UBE2N: variants seen among roughly 807,000 people sequenced by gnomAD.
UBE2N encodes ubiquitin-conjugating enzyme E2 N.
For synonymous variants in UBE2N, 70 were observed against 69.2 expected, an observed-to-expected ratio of 1.01 and a Z score of -0.06; for missense variants, 60 against 192.1, an observed-to-expected ratio of 0.31 and a Z score of 4.07.
chr12:93,406,275 CAAAAAAAAAAA>C lies in UBE2N; in HGVS notation c.*3753_*3763del, dbSNP rs58309798. Reference sequence around the variant, plus strand: ...AGAGCTAGAAAGTGGCTAGAGCAGCCAAAAAAAAAAAAAAAAAAAAAAAAAAAAAAGGTTCC... The same window carrying C: ...AGAGCTAGAAAGTGGCTAGAGCAGCCAAAAAAAAAAAAAAAAAAAGGTTCC... On this transcript the variant is annotated 3_prime_UTR_variant, in exon 4 of 4. Transcript: ENST00000318066. 103 of 38,012 alleles carry C rather than the reference CAAAAAAAAAAA, an allele frequency of 2.7e-3. 1 individual carries two copies. The highest frequency in any genetic ancestry group is 4.0e-3 in the Non-Finnish European group (81 of 20,280). The allele number at this position is 38,012 out of a possible 1,614,324, so 2.4% of individuals were successfully genotyped here. A position where few individuals can be genotyped will look rare whatever the true frequency, so the allele number is the denominator to read the frequency against.
chr12:93,427,457 T>C (rs1291732873), intron 1 of UBE2N, among the ~76,000 whole-genome samples: 1 of 152,196 alleles, frequency 6.6e-6, no homozygotes, highest in Non-Finnish European at 1.5e-5. Flanking sequence ...TGCTACAATA[T>C]ACATGAACCT....
In UBE2N at chr12:93,426,390, C is replaced by T. The variant is rs1325926164; in HGVS notation, c.31-15091G>A. On this transcript the variant is annotated intron_variant, in intron 1 of 3. Transcript: ENST00000318066. ...CAATGTTATTATGTGAAACTGCATC[C>T]AAAAAAAAAAAAAAAAAAGCTACAA... Among the ~76,000 whole-genome samples, 6 of 101,246 alleles carry T rather than the reference C, an allele frequency of 5.9e-5. No homozygotes were observed. The Admixed American group carries it at 6.2e-4, about 10-fold the overall frequency. The allele number at this position is 101,246 out of a possible 152,430, so 66.4% of individuals were successfully genotyped here.
intron 1 of UBE2N, among the ~76,000 whole-genome samples, chr12:93,421,633 A>T (rs897581011): frequency 2.0e-5 from 3 of 151,752 alleles, no homozygotes; most frequent in East Asian, 1.9e-4. Flanking sequence ...AATGTCATAA[A>T]TTTTTTTTTC....
At chr12:93,416,861 A>AAAAAC (rs1878231863) in intron 1 of UBE2N, among the ~76,000 whole-genome samples, 1 of 151,270 alleles carries the variant, frequency 6.6e-6, no homozygotes, top group South Asian at 2.1e-4. Flanking sequence ...CACTACCAAA[A>AAAAAC]AAAAAAAAAA....
intron 1 of UBE2N, among the ~76,000 whole-genome samples, chr12:93,432,451 G>A (rs1007691823): frequency 6.7e-6 from 1 of 149,866 alleles, no homozygotes; most frequent in Non-Finnish European, 1.5e-5. Context: ...TAGTAAGATG[G>A]TAATCTAGTT....
intron 1 of UBE2N, among the ~76,000 whole-genome samples, chr12:93,429,845 T>G (rs1878705375): frequency 6.6e-6 from 1 of 152,208 alleles, no homozygotes; most frequent in African/African-American, 2.4e-5. Context: ...TTTGCACAGC[T>G]GTATGATGTG....
chr12:93,406,417 T>C lies in UBE2N; in HGVS notation c.*3622A>G, dbSNP rs1402297202. ...TAATGTCTTTTAGGACAGATTTCCT[T>C]CCCCATTCTCCATCAAACAACCATA... On this transcript the variant is annotated 3_prime_UTR_variant, in exon 4 of 4. Transcript: ENST00000318066. The C allele has an allele frequency of 1.3e-5, 2 of 151,860 alleles. No individual in the cohort carries two copies. Among genetic ancestry groups the C allele is most frequent in the Non-Finnish European group, 2.9e-5 (2 of 67,976 alleles). 9.4% of individuals were successfully genotyped at this position (151,860 alleles called of 1,614,324 possible).
chr12:93,441,740 C>T, intron 1 of UBE2N, 115 bp downstream of exon 1: 1 of 1,410,008 alleles, frequency 7.1e-7, no homozygotes, highest in Admixed American at 2.7e-5. Flanking sequence ...CTCTCCGCGC[C>T]GCCTCGGGCC....
In UBE2N at chr12:93,411,235, G is replaced by A; in HGVS notation, c.95C>T (p.Ala32Val). ...GIKAEPDESNARYFHVVIAGP... is the reference protein window; with the variant it reads ...GIKAEPDESNVRYFHVVIAGP... ...AGCAATGACCACATGAAAATAACGGGCGTTGCTCTCATCTGGTTCGGCTTT... is the reference window on the plus strand; with the variant it reads ...AGCAATGACCACATGAAAATAACGGACGTTGCTCTCATCTGGTTCGGCTTT... The change falls in exon 2 of 4, where the codon GCC becomes GTC. Residue 32 changes from alanine (A) to valine (V), a missense_variant. Transcript: ENST00000318066. 6.2e-7 allele frequency: 1 copy of A among 1,614,164 alleles called. No homozygotes were observed. Among genetic ancestry groups the A allele is most frequent in the Non-Finnish European group, 8.5e-7 (1 of 1,180,014 alleles).
At position 93,406,659 on chromosome 12, in the gene UBE2N, TAAAC is replaced by T. The variant is rs1490651879; in HGVS notation, c.*3376_*3379del. The T allele has an allele frequency of 6.6e-6, 1 of 152,210 alleles. No homozygotes were observed. Among genetic ancestry groups the T allele is most frequent in the African/African-American group, 2.4e-5 (1 of 41,444 alleles). The allele number at this position is 152,210 out of a possible 1,614,324, so 9.4% of individuals were successfully genotyped here. A position where few individuals can be genotyped will look rare whatever the true frequency, so the allele number is the denominator to read the frequency against. ...CATGTATATTTTTGTCATTATTCCTTAAACAATAGTGTAACTATTTACATAGCAC... is the reference window on the plus strand; with the variant it reads ...CATGTATATTTTTGTCATTATTCCTTAATAGTGTAACTATTTACATAGCAC... On this transcript the variant is annotated 3_prime_UTR_variant, in exon 4 of 4. Coordinates refer to ENST00000318066, the MANE Select transcript of UBE2N (RefSeq NM_003348.4).
intron 1 of UBE2N, among the ~76,000 whole-genome samples, chr12:93,437,002 C>T (rs940783963): frequency 1.3e-5 from 2 of 152,044 alleles, no homozygotes; most frequent in Non-Finnish European, 2.9e-5. Context: ...TGGTTCATGC[C>T]TGTTAACCCT....
Position 93,430,944 on chromosome 12 carries a change from C to A in UBE2N, c.30+10911G>T, listed in dbSNP as rs1374618497. Among the ~76,000 whole-genome samples the A allele has an allele frequency of 3.4e-5, 5 of 148,288 alleles. No homozygotes were observed. The South Asian group carries it at 8.5e-4, about 25-fold the overall frequency. On this transcript the variant is annotated intron_variant, in intron 1 of 3. Coordinates refer to ENST00000318066, the MANE Select transcript of UBE2N (RefSeq NM_003348.4). ...TGAGACCCTATCTTAAAAAAAAAAA[C>A]ACAGCCAAGCGCAGTGGCTCATGCC...
intron 1 of UBE2N, among the ~76,000 whole-genome samples, chr12:93,421,120 C>T (rs1054460650): frequency 6.6e-6 from 1 of 151,584 alleles, no homozygotes; most frequent in East Asian, 1.9e-4. Flanking sequence ...TAGTGAATGA[C>T]AGAGTGAAGA....
At chr12:93,427,809 T>C (rs1225344081) in intron 1 of UBE2N, among the ~76,000 whole-genome samples, 2 of 152,256 alleles carry the variant, frequency 1.3e-5, no homozygotes. Flanking sequence ...AGTGAGATTT[T>C]GGAATCTTAC....
intron 1 of UBE2N, among the ~76,000 whole-genome samples, chr12:93,416,799 A>G (rs1386151669): frequency 6.7e-6 from 1 of 149,204 alleles, no homozygotes; most frequent in Non-Finnish European, 1.5e-5. Flanking sequence ...CAGGGGAATC[A>G]CTTGAGGCTA....
Position 93,411,304 on chromosome 12 carries a change from G to A in UBE2N, c.31-5C>T. The A allele has an allele frequency of 6.3e-7, 1 of 1,584,906 alleles. No homozygotes were observed. ...TGCCAGCAAACGCTGGGTTTCCTAT[G>A]ACAGAAAAACAAACACATTTGTGAA... On this transcript the variant is annotated splice_region_variant and splice_polypyrimidine_tract_variant and intron_variant, in intron 1 of 3. Coordinates refer to ENST00000318066, the MANE Select transcript of UBE2N (RefSeq NM_003348.4).
Position 93,407,620 on chromosome 12 carries a change from T to C in UBE2N, c.*2419A>G, listed in dbSNP as rs974975724. 3.3e-5 allele frequency: 5 copies of C among 152,212 alleles called. No homozygotes were observed. The highest frequency in any genetic ancestry group is 4.8e-5 in the African/African-American group (2 of 41,460). 9.4% of individuals were successfully genotyped at this position (152,212 alleles called of 1,614,324 possible). ...GCACAAAGGTGGGTCAGGTCTACTG[T>C]TGCCAGATCTTCAGATCATTCAAAA... On this transcript the variant is annotated 3_prime_UTR_variant, in exon 4 of 4. Coordinates refer to ENST00000318066, the MANE Select transcript of UBE2N (RefSeq NM_003348.4).
In UBE2N at chr12:93,414,448, C is replaced by CAAA. The variant is rs398020640; in HGVS notation, c.31-3152_31-3150dup. On this transcript the variant is annotated intron_variant, in intron 1 of 3. Transcript: ENST00000318066. ...TAGGCAAAAGAGCGAAGCTCCGTCT[C>CAAA]AAAAAAAAAAAAAAAAAAAAAAAGT... Among the ~76,000 whole-genome samples, 234 of 73,886 alleles carry CAAA rather than the reference C, an allele frequency of 3.2e-3. 1 individual carries two copies. The highest frequency in any genetic ancestry group is 8.5e-3 in the African/African-American group (201 of 23,768). The allele number at this position is 73,886 out of a possible 152,430, so 48.5% of individuals were successfully genotyped here.
In UBE2N at chr12:93,408,614, G is replaced by A. The variant is rs1001272032; in HGVS notation, c.*1425C>T. ...ACAAGAATCAGGAATTAGATATGGA[G>A]AGAGGTGGGAAAGAACAGTTTTGTG... On this transcript the variant is annotated 3_prime_UTR_variant, in exon 4 of 4. Transcript: ENST00000318066. 1 of 152,192 alleles carries A rather than the reference G, an allele frequency of 6.6e-6. No homozygotes were observed. The highest frequency in any genetic ancestry group is 1.5e-5 in the Non-Finnish European group (1 of 68,038). 9.4% of individuals were successfully genotyped at this position (152,192 alleles called of 1,614,324 possible). A position where few individuals can be genotyped will look rare whatever the true frequency, so the allele number is the denominator to read the frequency against.
Sources: gnomAD v4.1 joint callset for allele counts (sites outside exome capture counted in the v4.1 genomes callset) on GRCh38, gnomAD v4.1.1 for gene constraint, MANE v1.5 for transcripts, NCBI Gene and HGNC (gene_info 2026-07-23, HGNC 2026-07-21) for gene names.